The following CALCR variants were observed in gnomAD, a reference collection of about 807,000 sequenced individuals.
CALCR encodes calcitonin receptor.
Under a neutral mutation model 59.5 loss-of-function variants are expected in CALCR, and 47 were observed. That is an observed-to-expected ratio of 0.79 (90% CI 0.63 to 1.01). The LOEUF (loss-of-function observed/expected upper bound fraction) is 1.01. Ranked by LOEUF, CALCR falls within the 50% of genes least tolerant of loss-of-function variation. The pLI is 0.00. For missense variants in CALCR, 566 were observed against 597.1 expected (o/e 0.95, Z 0.54); for synonymous variants, 213 against 211.3 (o/e 1.01, Z -0.07).
At chr7:93,431,935 T>C (rs1322752843) in intron 13 of CALCR, among the ~76,000 whole-genome samples, 1 of 152,208 alleles carries the variant, frequency 6.6e-6, no homozygotes, top group African/African-American at 2.4e-5. Context: ...TCAGGTCTCT[T>C]AGGTACCTAA....
rs1396444178 is a variant in CALCR at position 93,477,976 on chromosome 7, A to AT, written c.206-309_206-308insA. 3.1e-3 allele frequency among the ~76,000 whole-genome samples: 463 copies of AT among 149,116 alleles called. 2 individuals are homozygous for AT. Among genetic ancestry groups the AT allele is most frequent in the African/African-American group, 0.011 (431 of 40,802 alleles). ...GACCCTCTCTCAAAAAAAAAAAAAA[A>AT]AAAAAAAAAAAAAAAAAAATTCTAC... On this transcript the variant is annotated intron_variant, in intron 4 of 13. Transcript: ENST00000426151.
chr7:93,442,890 T>C (rs1799938019), intron 9 of CALCR, among the ~76,000 whole-genome samples: 1 of 152,156 alleles, frequency 6.6e-6, no homozygotes, highest in South Asian at 2.1e-4. Flanking sequence ...TTTTCTTTCA[T>C]TGCCTCACCT....
intron 12 of CALCR, among the ~76,000 whole-genome samples, chr7:93,435,556 C>T (rs13246852): frequency 0.27 from 41,704 of 151,886 alleles, 6,130 homozygotes; most frequent in African/African-American, 0.33. Context: ...CAGTGGCTCA[C>T]ACCTGTAATC....
chr7:93,570,845 A>T (rs1258151937), intron 2 of CALCR, among the ~76,000 whole-genome samples: 1 of 152,202 alleles, frequency 6.6e-6, no homozygotes, highest in East Asian at 1.9e-4. Flanking sequence ...CTTAAAAACA[A>T]AACCAAAACT....
intron 5 of CALCR, 145 bp from the exon 6 acceptor site, chr7:93,472,632 A>G: frequency 1.7e-6 from 1 of 602,324 alleles, no homozygotes; most frequent in African/African-American, 1.9e-5. Context: ...ACTATCACAA[A>G]TCATGTATTA....
chr7:93,457,495 G>A (rs530353473), intron 8 of CALCR, among the ~76,000 whole-genome samples: 1 of 152,234 alleles, frequency 6.6e-6, no homozygotes, highest in South Asian at 2.1e-4. Context: ...AGATATGGGT[G>A]TGAGACTCCC....
Position 93,456,435 on chromosome 7 carries a change from GA to G in CALCR, c.648+4385del, listed in dbSNP as rs557004193. ...GTTTTTTGCCTCTTTGTTTTCTGTAGAAAAAAAAAAACAGTTTGAAAGAGGT... is the reference window on the plus strand; with the variant it reads ...GTTTTTTGCCTCTTTGTTTTCTGTAGAAAAAAAAAACAGTTTGAAAGAGGT... On this transcript the variant is annotated intron_variant, in intron 8 of 13. Transcript: ENST00000426151. Among the ~76,000 whole-genome samples, 420 of 141,380 alleles carry G rather than the reference GA, an allele frequency of 3.0e-3. 1 individual carries two copies. Among genetic ancestry groups the G allele is most frequent in the African/African-American group, 7.3e-3 (282 of 38,648 alleles). 92.8% of individuals were successfully genotyped at this position (141,380 alleles called of 152,430 possible).
chr7:93,566,444 A>G (rs1789866387), intron 2 of CALCR, among the ~76,000 whole-genome samples: 1 of 152,176 alleles, frequency 6.6e-6, no homozygotes, highest in South Asian at 2.1e-4. Flanking sequence ...TGAAATATCC[A>G]TTGAGAGAGG....
chr7:93,468,157 T>C (rs909366986), intron 7 of CALCR, among the ~76,000 whole-genome samples: 1 of 151,846 alleles, frequency 6.6e-6, no homozygotes, highest in African/African-American at 2.4e-5. Context: ...TATTCAAGTT[T>C]TCCTTGTATG....
intron 2 of CALCR, among the ~76,000 whole-genome samples, chr7:93,558,632 C>CT (rs944395980): frequency 7.3e-5 from 11 of 151,616 alleles, no homozygotes; most frequent in Admixed American, 1.3e-4. Flanking sequence ...ATAAAAAAAC[C>CT]TTTTTTTTCT....
chr7:93,495,996 A>G (rs899003677), intron 2 of CALCR: 1 of 1,302,066 alleles, frequency 7.7e-7, no homozygotes. Flanking sequence ...TAAAATGAAA[A>G]TCAGTAAATC....
intron 2 of CALCR, among the ~76,000 whole-genome samples, chr7:93,547,724 C>T (rs1433002187): frequency 6.6e-6 from 1 of 152,184 alleles, no homozygotes; most frequent in Non-Finnish European, 1.5e-5. Flanking sequence ...GAAAGTCACA[C>T]CTGAGTATTC....
At chr7:93,494,830 A>C (rs1801163756) in intron 2 of CALCR, among the ~76,000 whole-genome samples, 1 of 151,410 alleles carries the variant, frequency 6.6e-6, no homozygotes, top group African/African-American at 2.4e-5. Flanking sequence ...GAATGAGATA[A>C]TTTCTCTTTC....
At chr7:93,549,965 T>C (rs1002700541) in intron 2 of CALCR, among the ~76,000 whole-genome samples, 9 of 152,200 alleles carry the variant, frequency 5.9e-5, no homozygotes, top group African/African-American at 2.2e-4. Context: ...AGACTGGCAA[T>C]ATAATTAAAT....
chr7:93,491,038 G>A (rs1584579778), intron 2 of CALCR, among the ~76,000 whole-genome samples: 1 of 151,960 alleles, frequency 6.6e-6, no homozygotes, highest in East Asian at 1.9e-4. Flanking sequence ...AAAACAGCAT[G>A]GCACTGGTAC....
intron 2 of CALCR, among the ~76,000 whole-genome samples, chr7:93,534,733 C>T (rs1305798986): frequency 1.3e-5 from 2 of 151,674 alleles, no homozygotes; most frequent in East Asian, 1.9e-4. Context: ...CTTCCTCCTT[C>T]ATTTTCCAGT....
At chr7:93,460,715 T>TA (rs1265677317) in intron 8 of CALCR, 106 bp downstream of exon 8, 1 of 734,238 alleles carries the variant, frequency 1.4e-6, no homozygotes, top group Non-Finnish European at 2.1e-6. Context: ...TAAATATGAT[T>TA]ACACATGTAA....
chr7:93,540,225 C>G (rs952647802), intron 2 of CALCR, among the ~76,000 whole-genome samples: 1 of 152,150 alleles, frequency 6.6e-6, no homozygotes, highest in Non-Finnish European at 1.5e-5. Flanking sequence ...GCCTGTGAAA[C>G]AGTTGCATGT....
At chr7:93,484,363 T>C (rs578178447) in intron 3 of CALCR, among the ~76,000 whole-genome samples, 1 of 151,840 alleles carries the variant, frequency 6.6e-6, no homozygotes, top group African/African-American at 2.4e-5. Context: ...ATCTCTGCAA[T>C]AGTTCAAGCC....
Sources: gnomAD v4.1 joint callset for allele counts (sites outside exome capture counted in the v4.1 genomes callset) on GRCh38, gnomAD v4.1.1 for gene constraint, MANE v1.5 for transcripts, NCBI Gene and HGNC (gene_info 2026-07-23, HGNC 2026-07-21) for gene names.